The following STRBP variants were observed in gnomAD, a reference collection of about 807,000 sequenced individuals.
STRBP encodes spermatid perinuclear RNA binding protein, also known as spermatid perinuclear RNA-binding protein.
A neutral mutation model predicts 80.1 loss-of-function variants in STRBP; 13 were observed. The observed-to-expected ratio is 0.16, with a 90% CI of 0.11 to 0.26. The LOEUF is 0.26. Among genes scored for constraint, STRBP ranks in the 10% least tolerant of loss-of-function variants. The pLI, the probability that STRBP is intolerant of heterozygous loss-of-function variation, is 1.00. For synonymous variants in STRBP, 284 were observed against 291.2 expected, an observed-to-expected ratio of 0.98 and a Z score of 0.25; for missense variants, 485 against 815.2, an observed-to-expected ratio of 0.59 and a Z score of 4.93.
intron 17 of STRBP, among the ~76,000 whole-genome samples, chr9:123,129,721 C>G (rs1369255255): frequency 2.0e-5 from 3 of 152,226 alleles, no homozygotes; most frequent in African/African-American, 7.2e-5. Context: ...GAGGCTAGGT[C>G]TTCTCTGAAT....
At chr9:123,228,541 T>G (rs1415284683) in intron 2 of STRBP, among the ~76,000 whole-genome samples, 2 of 152,160 alleles carry the variant, frequency 1.3e-5, no homozygotes, top group African/African-American at 4.8e-5. Context: ...TACGGAGGAA[T>G]GAATAATTGT....
intron 1 of STRBP, among the ~76,000 whole-genome samples, chr9:123,248,785 C>T (rs1056755064): frequency 1.3e-5 from 2 of 152,154 alleles, no homozygotes; most frequent in Admixed American, 1.3e-4. Context: ...GAATGGCTTC[C>T]TCTCTCCTTG....
chr9:123,175,720 C>G (rs545596824), intron 4 of STRBP, among the ~76,000 whole-genome samples: 1 of 152,286 alleles, frequency 6.6e-6, no homozygotes, highest in African/African-American at 2.4e-5. Context: ...TAATCACCAT[C>G]AAACTTGCAA....
At chr9:123,129,433 C>A (rs1369060768) in intron 17 of STRBP, among the ~76,000 whole-genome samples, 1 of 152,146 alleles carries the variant, frequency 6.6e-6, no homozygotes, top group Non-Finnish European at 1.5e-5. Flanking sequence ...GGCACAAAAT[C>A]ACCATGGCAC....
At chr9:123,256,018 CTTTTTTT>C (rs11338372) in intron 1 of STRBP, among the ~76,000 whole-genome samples, 42 of 71,484 alleles carry the variant, frequency 5.9e-4, no homozygotes, top group East Asian at 2.1e-3. Flanking sequence ...TCCTTTCTTT[CTTTTTTT>C]TTTTTTTTTT....
At chr9:123,139,012 A>G (rs945630164) in intron 14 of STRBP, among the ~76,000 whole-genome samples, 2 of 152,200 alleles carry the variant, frequency 1.3e-5, no homozygotes, top group African/African-American at 4.8e-5. Context: ...ATCTGCGACA[A>G]TAAGTTCCAG....
rs77487394 is a variant in STRBP at position 123,226,729 on chromosome 9, C to G, written c.-165+10101G>C. ...CTGTAAACAAAACAGAAATCCCTGC[C>G]CTCATGGAGCTTCAGCTTAGCGGTG... On this transcript the variant is annotated intron_variant, in intron 2 of 18. Transcript: ENST00000348403. Among the ~76,000 whole-genome samples the G allele has an allele frequency of 5.9e-5, 9 of 152,208 alleles. No individual in the cohort carries two copies. In the East Asian group the frequency reaches 1.7e-3, roughly 29 times the overall value.
At chr9:123,255,186 A>G (rs1377862727) in intron 1 of STRBP, among the ~76,000 whole-genome samples, 1 of 152,252 alleles carries the variant, frequency 6.6e-6, no homozygotes, top group Admixed American at 6.5e-5. Flanking sequence ...ATAGAAAGCT[A>G]CATCCTCTGA....
intron 2 of STRBP, among the ~76,000 whole-genome samples, chr9:123,219,381 A>G (rs937815651): frequency 3.3e-5 from 5 of 152,294 alleles, no homozygotes; most frequent in Admixed American, 6.5e-5. Flanking sequence ...TTCACAGGAT[A>G]TTCTCTGACA....
intron 2 of STRBP, among the ~76,000 whole-genome samples, chr9:123,192,962 G>T (rs1433008166): frequency 6.6e-6 from 1 of 152,130 alleles, no homozygotes; most frequent in Non-Finnish European, 1.5e-5. Flanking sequence ...CGGGAATAAT[G>T]ACTCTATGCC....
intron 1 of STRBP, among the ~76,000 whole-genome samples, chr9:123,241,610 C>T (rs1054650835): frequency 6.6e-6 from 1 of 151,836 alleles, no homozygotes; most frequent in Non-Finnish European, 1.5e-5. Context: ...AATCATCCAA[C>T]CAAGTTTTAA....
Position 123,124,316 on chromosome 9 carries a change from T to A in STRBP, c.*1281A>T. 1.0e-6 allele frequency: 1 copy of A among 985,266 alleles called. No homozygotes were observed. The highest frequency in any genetic ancestry group is 1.2e-6 in the Non-Finnish European group (1 of 829,912). The allele number at this position is 985,266 out of a possible 1,614,324, so 61.0% of individuals were successfully genotyped here. ...ACTGCTGCTCCTTCATGGGGGTGAGTACCTTAATGAAACCATTGACCTAGT... is the reference window on the plus strand; with the variant it reads ...ACTGCTGCTCCTTCATGGGGGTGAGAACCTTAATGAAACCATTGACCTAGT... On this transcript the variant is annotated 3_prime_UTR_variant, in exon 19 of 19. Coordinates refer to ENST00000348403, the MANE Select transcript of STRBP (RefSeq NM_018387.5).
At position 123,192,391 on chromosome 9, in the gene STRBP, C is replaced by T. The variant is rs77989000; in HGVS notation, c.-164-8093G>A. 2.8e-3 allele frequency among the ~76,000 whole-genome samples: 421 copies of T among 152,196 alleles called. 2 individuals are homozygous for T. The highest frequency in any genetic ancestry group is 9.8e-3 in the African/African-American group (406 of 41,518). ...GAGATGGCAGGAAAATGAGACTGTG[C>T]TATTTGGAAAGTCAACAAAAGAAAA... On this transcript the variant is annotated intron_variant, in intron 2 of 18. Transcript: ENST00000348403.
In STRBP at chr9:123,169,908, CCTT is replaced by C. The variant is rs1028985698; in HGVS notation, c.526_528del (p.Lys176del). On this transcript the variant is annotated inframe_deletion, in exon 6 of 19. Transcript: ENST00000348403. ...TATATATATACATGTGTACCTCCAT[CCTT>C]CTTCTCCAATTCGTCCCTAATTAGA... 1.3e-6 allele frequency: 2 copies of C among 1,540,270 alleles called. No individual in the cohort carries two copies. Among genetic ancestry groups the C allele is most frequent in the Non-Finnish European group, 1.7e-6 (2 of 1,144,384 alleles).
intron 1 of STRBP, among the ~76,000 whole-genome samples, chr9:123,239,592 ACTGAAAGCAAGAACTC>A (rs1159883454): frequency 6.6e-6 from 1 of 152,174 alleles, no homozygotes; most frequent in Non-Finnish European, 1.5e-5. Flanking sequence ...ATGACTTATT[ACTGAAAGCAAGAACTC>A]CTGAAGGACA....
intron 17 of STRBP, among the ~76,000 whole-genome samples, chr9:123,132,024 G>T (rs931284419): frequency 6.6e-6 from 1 of 152,136 alleles, no homozygotes; most frequent in African/African-American, 2.4e-5. Context: ...ATATTGTGAA[G>T]AACTTGATTT....
intron 3 of STRBP, among the ~76,000 whole-genome samples, chr9:123,183,264 G>A (rs149765663): frequency 7.9e-5 from 12 of 151,668 alleles, no homozygotes; most frequent in East Asian, 1.9e-4. Context: ...GCGAAACCCC[G>A]TCTCTACTAA....
At chr9:123,134,419 T>A (rs1002144176) in intron 16 of STRBP, among the ~76,000 whole-genome samples, 1 of 152,208 alleles carries the variant, frequency 6.6e-6, no homozygotes, top group Admixed American at 6.5e-5. Flanking sequence ...CTACCTCTAG[T>A]ATGAATGGGC....
chr9:123,192,885 T>C (rs2038971863), intron 2 of STRBP, among the ~76,000 whole-genome samples: 1 of 152,144 alleles, frequency 6.6e-6, no homozygotes, highest in South Asian at 2.1e-4. Flanking sequence ...AACTCAAATA[T>C]TCAGTGGCAT....
Sources: allele counts gnomAD v4.1 joint callset (sites outside exome capture counted in the v4.1 genomes callset), GRCh38; gene constraint gnomAD v4.1.1; transcripts MANE v1.5; gene names NCBI Gene and HGNC (gene_info 2026-07-23, HGNC 2026-07-21).